The following YLPM1 variants were observed in gnomAD, a reference collection of about 807,000 sequenced individuals.
The protein encoded by YLPM1 is YLP motif-containing protein 1.
A neutral mutation model predicts 230.0 loss-of-function variants in YLPM1; 99 were observed. The ratio of observed to expected loss-of-function variants is 0.43; its 90% CI spans 0.37 to 0.51. The LOEUF (loss-of-function observed/expected upper bound fraction) is 0.51. Ranked by LOEUF, YLPM1 falls within the 20% of genes least tolerant of loss-of-function variation. YLPM1 has a pLI of 0.00. For missense variants in YLPM1, 2,592 were observed against 2,707.7 expected, an observed-to-expected ratio of 0.96 and a Z score of 0.95; for synonymous variants, 984 against 942.5, an observed-to-expected ratio of 1.04 and a Z score of -0.81.
At chr14:74,825,126 T>G (rs2091552077) in intron 18 of YLPM1, among the ~76,000 whole-genome samples, 1 of 152,172 alleles carries the variant, frequency 6.6e-6, no homozygotes. Context: ...TATGTTTCTT[T>G]TCCTGGTATT....
At chr14:74,773,482 AGTTT>A (rs1314471397) in intron 1 of YLPM1, among the ~76,000 whole-genome samples, 11 of 152,198 alleles carry the variant, frequency 7.2e-5, no homozygotes, top group African/African-American at 2.7e-4. Context: ...GCATTGGCTT[AGTTT>A]GTGAAAGATA....
intron 11 of YLPM1, 58 bp from the exon 12 acceptor site, chr14:74,816,145 C>G (rs2091476133): frequency 6.7e-7 from 1 of 1,501,774 alleles, no homozygotes; most frequent in African/African-American, 1.4e-5. Flanking sequence ...ACTGTTATCT[C>G]ATTGCAGAAA....
chr14:74,773,973 G>GA (rs2091006582), intron 1 of YLPM1, among the ~76,000 whole-genome samples: 1 of 152,026 alleles, frequency 6.6e-6, no homozygotes, highest in African/African-American at 2.4e-5. Context: ...TGCCCGCCTA[G>GA]ACCTCCCAAA....
rs375609064 is a variant in YLPM1, at chr14:74,763,600, G to A, written c.111G>A (p.Ser37=). The part of the protein sequence containing the change: ...LPEASPGPGY[S]SSTTPAAPSS... ...AGGCCTCGCCGGGGCCCGGGTACTCGAGCTCGACGACTCCCGCGGCCCCCT... is the reference window on the plus strand; with the variant it reads ...AGGCCTCGCCGGGGCCCGGGTACTCAAGCTCGACGACTCCCGCGGCCCCCT... The change falls in exon 1 of 21, where the codon TCG becomes TCA. Residue 37 remains serine, a synonymous_variant. Coordinates refer to ENST00000325680, the MANE Select transcript of YLPM1 (RefSeq NM_019589.3). 2 of 1,588,590 alleles carry A rather than the reference G, an allele frequency of 1.3e-6. No homozygotes were observed. The highest frequency in any genetic ancestry group is 1.7e-6 in the Non-Finnish European group (2 of 1,166,510).
rs2091646830 is a variant in YLPM1 at position 74,836,907 on chromosome 14, A to G, written c.*1169A>G. The G allele has an allele frequency of 6.6e-6, 1 of 152,510 alleles. No homozygotes were observed. Among genetic ancestry groups the G allele is most frequent in the Non-Finnish European group, 1.5e-5 (1 of 68,034 alleles). 9.4% of individuals were successfully genotyped at this position (152,510 alleles called of 1,614,324 possible). ...GACTCTTCCCTTTTTCATCCTGCAA[A>G]GAAAAAAGTCATCTTTTAGCATGAA... On this transcript the variant is annotated 3_prime_UTR_variant, in exon 21 of 21. Coordinates refer to ENST00000325680, the MANE Select transcript of YLPM1 (RefSeq NM_019589.3).
intron 5 of YLPM1, 110 bp downstream of exon 5, chr14:74,799,807 C>T (rs1007784919): frequency 2.7e-5 from 38 of 1,404,252 alleles, no homozygotes; most frequent in Non-Finnish European, 3.4e-5. Context: ...AAGTTCTTAT[C>T]ACATACTTTT....
chr14:74,781,326 A>G lies in YLPM1; in HGVS notation c.1291-8A>G, dbSNP rs1420120613. On this transcript the variant is annotated splice_region_variant and splice_polypyrimidine_tract_variant and intron_variant, in intron 3 of 20. Transcript: ENST00000325680. ...GGTTTTAAATAGTTTTTATCCCTTT[A>G]TTTGTAGACCATGTCTGTAGATATG... is the stretch of plus-strand genomic sequence containing the variant. 2 of 1,527,812 alleles carry G rather than the reference A, an allele frequency of 1.3e-6. No individual in the cohort carries two copies. Among genetic ancestry groups the G allele is most frequent in the African/African-American group, 2.8e-5 (2 of 71,788 alleles). 94.6% of individuals were successfully genotyped at this position (1,527,812 alleles called of 1,614,324 possible).
intron 17 of YLPM1, 165 bp from the exon 18 acceptor site, chr14:74,824,091 A>G: frequency 3.1e-6 from 2 of 637,712 alleles, no homozygotes; most frequent in South Asian, 4.4e-5. Context: ...TTGGTCATTT[A>G]GTTTCTTCAA....
chr14:74,835,942 T>TA lies in YLPM1; in HGVS notation c.*206dup. 2.2e-6 allele frequency: 1 copy of TA among 449,626 alleles called. No homozygotes were observed. Among genetic ancestry groups the TA allele is most frequent in the Non-Finnish European group, 4.4e-6 (1 of 224,912 alleles). The allele number at this position is 449,626 out of a possible 1,614,324, so 27.9% of individuals were successfully genotyped here. A position where few individuals can be genotyped will look rare whatever the true frequency, so the allele number is the denominator to read the frequency against. The stretch of plus-strand genomic sequence containing the variant: ...ATCTTGCTGTACCCAAGCAAGACGT[T>TA]AATTTTTCTTTTAACTGTTTTGGGG... On this transcript the variant is annotated 3_prime_UTR_variant, in exon 21 of 21. Coordinates refer to ENST00000325680, the MANE Select transcript of YLPM1 (RefSeq NM_019589.3).
chr14:74,821,574 G>A (rs1401460535), intron 17 of YLPM1: 1 of 152,766 alleles, frequency 6.5e-6, no homozygotes, highest in East Asian at 1.9e-4. Context: ...GGGAGGCAGA[G>A]GGTTGCCACT....
intron 6 of YLPM1, among the ~76,000 whole-genome samples, chr14:74,805,226 G>T (rs1199471199): frequency 1.3e-5 from 2 of 151,916 alleles, no homozygotes; most frequent in Non-Finnish European, 2.9e-5. Flanking sequence ...TTTACCAATT[G>T]GCCAGGCTGG....
At chr14:74,796,968 C>CTTT (rs3083626) in intron 4 of YLPM1, among the ~76,000 whole-genome samples, 9,615 of 87,838 alleles carry the variant, frequency 0.11, 1,794 homozygotes, top group South Asian at 0.25. Context: ...TTTATAATTG[C>CTTT]TTTTTTTTTT....
chr14:74,779,143 G>A (rs1341422785), intron 2 of YLPM1, among the ~76,000 whole-genome samples: 4 of 151,766 alleles, frequency 2.6e-5, no homozygotes, highest in African/African-American at 9.7e-5. Flanking sequence ...TGCCTGGCCT[G>A]TTGTATCAGG....
chr14:74,791,562 C>T (rs2091207696), intron 4 of YLPM1, among the ~76,000 whole-genome samples: 1 of 152,186 alleles, frequency 6.6e-6, no homozygotes, highest in African/African-American at 2.4e-5. Flanking sequence ...CCATTCTTTG[C>T]TTTATTTATT....
chr14:74,808,695 T>C (rs2091403013), intron 6 of YLPM1, among the ~76,000 whole-genome samples: 1 of 151,318 alleles, frequency 6.6e-6, no homozygotes, highest in Admixed American at 6.6e-5. Flanking sequence ...TCCCAGTTAC[T>C]CAGAAGGCTG....
chr14:74,800,113 G>T (rs1429543685), intron 5 of YLPM1, among the ~76,000 whole-genome samples: 1 of 152,232 alleles, frequency 6.6e-6, no homozygotes, highest in Non-Finnish European at 1.5e-5. Flanking sequence ...ACTTTGGAAA[G>T]TGCTGTATTT....
At chr14:74,781,273 A>G in intron 3 of YLPM1, 61 bp from the exon 4 acceptor site, 1 of 1,442,474 alleles carries the variant, frequency 6.9e-7, no homozygotes, top group South Asian at 1.5e-5. Flanking sequence ...TTAATATTTT[A>G]ACCTATGATT....
chr14:74,770,688 A>G (rs367730170), intron 1 of YLPM1, among the ~76,000 whole-genome samples: 43 of 152,168 alleles, frequency 2.8e-4, no homozygotes, highest in African/African-American at 8.4e-4. Context: ...ATTAAGTTCA[A>G]TAAGGCTCAC....
intron 1 of YLPM1, among the ~76,000 whole-genome samples, 192 bp from the exon 2 acceptor site, chr14:74,778,255 G>A (rs540422069): frequency 1.3e-5 from 2 of 152,282 alleles, no homozygotes; most frequent in South Asian, 4.1e-4. Context: ...GTATAAATTT[G>A]GGGGAGGAAC....
Sources: allele counts gnomAD v4.1 joint callset (sites outside exome capture counted in the v4.1 genomes callset), GRCh38; gene constraint gnomAD v4.1.1; transcripts MANE v1.5; gene names NCBI Gene and HGNC (gene_info 2026-07-23, HGNC 2026-07-21).